Variants in HAVCR2 observed in about 807,000 individuals in gnomAD.
HAVCR2 encodes the protein T cell immunoglobulin mucin 3.
In HAVCR2, 13 loss-of-function variants were observed where a neutral mutation model predicts 24.7. The observed-to-expected ratio is 0.53, with a 90% CI of 0.34 to 0.84. The LOEUF is 0.84. Ranked by LOEUF, HAVCR2 falls within the 40% of genes least tolerant of loss-of-function variation. HAVCR2 has a pLI of 0.01. For missense variants in HAVCR2, 343 were observed against 371.2 expected (o/e 0.92, Z 0.62); for synonymous variants, 154 against 143.4 (o/e 1.07, Z -0.53).
intron 4 of HAVCR2, 27 bp from the exon 5 acceptor site, chr5:157,095,486 CA>C: frequency 6.2e-7 from 1 of 1,612,798 alleles, no homozygotes; most frequent in Non-Finnish European, 8.5e-7. Flanking sequence ...AGGATTTAAG[CA>C]GAAAACAGCT....
rs1581757271 is a variant in HAVCR2 at position 157,094,533 on chromosome 5, G to A, written c.676+773C>T. ...TGAGTAGCTGGGATTACAGGCATGC[G>A]CCACCACACCCGGCTAATTTTGTAT... On this transcript the variant is annotated intron_variant, in intron 5 of 6. Coordinates refer to ENST00000307851, the MANE Select transcript of HAVCR2 (RefSeq NM_032782.5). Among the ~76,000 whole-genome samples the A allele has an allele frequency of 2.0e-5, 3 of 151,792 alleles. No individual in the cohort carries two copies. The East Asian group carries it at 5.8e-4, about 29-fold the overall frequency.
At chr5:157,104,871 G>C (rs1757223854) in intron 2 of HAVCR2, 122 bp from the exon 3 acceptor site, 1 of 623,144 alleles carries the variant, frequency 1.6e-6, no homozygotes, top group African/African-American at 1.8e-5. Context: ...TACACCCTCA[G>C]CTTCCAAACC....
chr5:157,106,803 C>T lies in HAVCR2; in HGVS notation c.218G>A (p.Arg73Lys), dbSNP rs780255978. The T allele has an allele frequency of 1.2e-6, 2 of 1,614,076 alleles. No individual in the cohort carries two copies. Among genetic ancestry groups the T allele is most frequent in the Non-Finnish European group, 1.7e-6 (2 of 1,180,038 alleles). Residue 73 changes from arginine (R) to lysine (K), a missense_variant, in exon 2 of 7, where the codon AGG becomes AAG. Physicochemically the swap from Arg to Lys is conservative, Grantham distance 26. Coordinates refer to ENST00000307851, the MANE Select transcript of HAVCR2 (RefSeq NM_032782.5). ...TCTGGATGTCCAATAATTCACATCCCTTTCATCAGTCCTGAGCACCACGTT... is the reference window on the plus strand; with the variant it reads ...TCTGGATGTCCAATAATTCACATCCTTTTCATCAGTCCTGAGCACCACGTT... ...CGNVVLRTDE[R>K]DVNYWTSRYW...
At chr5:157,104,061 C>G (rs1373628255) in intron 3 of HAVCR2, among the ~76,000 whole-genome samples, 4 of 151,836 alleles carry the variant, frequency 2.6e-5, no homozygotes, top group Non-Finnish European at 5.9e-5. Flanking sequence ...AAAAATGGAG[C>G]TCCAGAGAGT....
chr5:157,106,520 C>A, intron 2 of HAVCR2, 107 bp downstream of exon 2: 1 of 913,930 alleles, frequency 1.1e-6, no homozygotes, highest in Admixed American at 2.2e-5. Context: ...TAGTGGCCCT[C>A]CTCCAGGGCT....
Position 157,098,881 on chromosome 5 carries a change from TC to T in HAVCR2, c.498del (p.Ser167AlafsTer5). ...GHGPAETQTL[G>X]SLPDINLTQI... The stretch of plus-strand genomic sequence containing the variant: ...ACTGTTAGATTTATATCAGGGAGGC[TC>T]CCCAGTGTCTGTGTCTCTGCTATAA... On this transcript the variant is annotated frameshift_variant, in exon 4 of 7. Coordinates refer to ENST00000307851, the MANE Select transcript of HAVCR2 (RefSeq NM_032782.5). LOFTEE classifies it high-confidence loss of function. 1 of 1,612,724 alleles carries T rather than the reference TC, an allele frequency of 6.2e-7. No individual in the cohort carries two copies. The highest frequency in any genetic ancestry group is 1.7e-5 in the Admixed American group (1 of 59,914).
intron 3 of HAVCR2, among the ~76,000 whole-genome samples, chr5:157,101,102 T>TA (rs986041326): frequency 2.4e-4 from 36 of 151,314 alleles, no homozygotes; most frequent in Admixed American, 2.2e-3. Context: ...ATCAAAAAAA[T>TA]AAAAAAAAGA....
chr5:157,091,787 T>C (rs1757007628), intron 5 of HAVCR2, among the ~76,000 whole-genome samples: 1 of 152,206 alleles, frequency 6.6e-6, no homozygotes, highest in African/African-American at 2.4e-5. Context: ...AGCCCTTTCA[T>C]ATTTCATCAG....
chr5:157,104,771 G>C lies in HAVCR2; in HGVS notation c.395-22C>G, dbSNP rs371831395. The C allele has an allele frequency of 7.3e-6, 11 of 1,515,180 alleles. No homozygotes were observed. The African/African-American group carries it at 1.4e-4, about 19-fold the overall frequency. 93.9% of individuals were successfully genotyped at this position (1,515,180 alleles called of 1,614,324 possible). On this transcript the variant is annotated intron_variant, in intron 2 of 6. Transcript: ENST00000307851. Reference sequence around the variant, plus strand: ...TTGGCTAATGTCAGAAACAACATAAGGATGAAAATTATCTGAGAGCAGAAA... The same window carrying C: ...TTGGCTAATGTCAGAAACAACATAACGATGAAAATTATCTGAGAGCAGAAA...
intron 5 of HAVCR2, 24 bp downstream of exon 5, chr5:157,095,282 G>A (rs1757078000): frequency 1.9e-6 from 3 of 1,610,832 alleles, no homozygotes; most frequent in African/African-American, 2.7e-5. Context: ...GTTATCAGAG[G>A]GAGAGAGAAA....
Position 157,086,808 on chromosome 5 carries a change from CAG to C in HAVCR2, c.*292_*293del. On this transcript the variant is annotated 3_prime_UTR_variant, in exon 7 of 7. Coordinates refer to ENST00000307851, the MANE Select transcript of HAVCR2 (RefSeq NM_032782.5). ...GATGTGCCCGAATTTCCTGGAGCTC[CAG>C]AGACCCCACGTCAAGAATTCCTAGT... The C allele has an allele frequency of 3.3e-6, 1 of 304,218 alleles. No homozygotes were observed. Among genetic ancestry groups the C allele is most frequent in the Non-Finnish European group, 6.0e-6 (1 of 166,978 alleles). The allele number at this position is 304,218 out of a possible 1,614,324, so 18.8% of individuals were successfully genotyped here.
chr5:157,106,451 G>C, intron 2 of HAVCR2, 176 bp downstream of exon 2: 4 of 612,730 alleles, frequency 6.5e-6, no homozygotes, highest in Non-Finnish European at 1.1e-5. Flanking sequence ...TTTTAAAACA[G>C]AGAGAAGGTG....
At chr5:157,095,558 C>T in intron 4 of HAVCR2, 99 bp from the exon 5 acceptor site, 5 of 1,310,434 alleles carry the variant, frequency 3.8e-6, no homozygotes. Flanking sequence ...TTTACAACAT[C>T]ACAGGATGGC....
In HAVCR2 at chr5:157,090,468, G is replaced by T. The variant is rs148821720; in HGVS notation, c.677-1491C>A. 1.2e-4 allele frequency among the ~76,000 whole-genome samples: 18 copies of T among 152,152 alleles called. No individual in the cohort carries two copies. The East Asian group carries it at 3.5e-3, about 29-fold the overall frequency. On this transcript the variant is annotated intron_variant, in intron 5 of 6. Transcript: ENST00000307851. Reference sequence around the variant, plus strand: ...AAACTAGCCAGGTATGCTGGCACATGCCCGTGGTCCTAGCTACTTGGAGGC... The same window carrying T: ...AAACTAGCCAGGTATGCTGGCACATTCCCGTGGTCCTAGCTACTTGGAGGC...
At chr5:157,093,721 C>T (rs905728035) in intron 5 of HAVCR2, among the ~76,000 whole-genome samples, 10 of 152,078 alleles carry the variant, frequency 6.6e-5, no homozygotes, top group East Asian at 3.9e-4. Flanking sequence ...TCGAGGTGGA[C>T]GGATCACAAG....
At chr5:157,106,523 C>T (rs892332259) in intron 2 of HAVCR2, 104 bp downstream of exon 2, 1 of 964,132 alleles carries the variant, frequency 1.0e-6, no homozygotes, top group Admixed American at 2.2e-5. Flanking sequence ...TGGCCCTCCT[C>T]CAGGGCTATA....
intron 5 of HAVCR2, 44 bp downstream of exon 5, chr5:157,095,262 T>C (rs756330537): frequency 1.9e-6 from 3 of 1,604,062 alleles, no homozygotes; most frequent in African/African-American, 2.7e-5. Context: ...TGGTTCTCAC[T>C]GAAGAATTTG....
At position 157,087,265 on chromosome 5, in the gene HAVCR2, G is replaced by A. The variant is rs1756926628; in HGVS notation, c.743C>T (p.Ser248Leu). The A allele has an allele frequency of 1.9e-6, 3 of 1,610,934 alleles. No individual in the cohort carries two copies. The highest frequency in any genetic ancestry group is 1.7e-6 in the Non-Finnish European group (2 of 1,179,322). Residue 248 changes from serine to leucine, a missense_variant, in exon 7 of 7, where the codon TCA becomes TTA. Transcript: ENST00000307851. The stretch of plus-strand genomic sequence containing the variant: ...CTCTGCTACTGCATTTGCCAATCCT[G>A]AGGGAGGGAGGTTGGCCAAAGAGAT... ...SLISLANLPP[S>L]GLANAVAEGI...
At chr5:157,089,401 T>G (rs1218517397) in intron 5 of HAVCR2, among the ~76,000 whole-genome samples, 2 of 152,084 alleles carry the variant, frequency 1.3e-5, no homozygotes, top group East Asian at 1.9e-4. Context: ...CTGGATGTGG[T>G]GGCCCATGCC....
Sources: allele counts gnomAD v4.1 joint callset (sites outside exome capture counted in the v4.1 genomes callset), GRCh38; gene constraint gnomAD v4.1.1; transcripts MANE v1.5; gene names NCBI Gene and HGNC (gene_info 2026-07-23, HGNC 2026-07-21).